The following CEP112 variants were observed in gnomAD, a reference collection of about 807,000 sequenced individuals.
CEP112 encodes centrosomal protein of 112 kDa.
A neutral mutation model predicts 153.0 loss-of-function variants in CEP112; 127 were observed. The ratio of observed to expected loss-of-function variants is 0.83; its 90% confidence interval spans 0.72 to 0.96. The LOEUF is 0.96. Ranked by LOEUF, CEP112 falls within the 40% of genes least tolerant of loss-of-function variation. The pLI is 0.00. For synonymous variants in CEP112, 358 were observed against 374.4 expected, an observed-to-expected ratio of 0.96 and a Z score of 0.51; for missense variants, 1,089 against 1,101.2, an observed-to-expected ratio of 0.99 and a Z score of 0.16.
At chr17:66,040,526 G>A in intron 12 of CEP112, among the ~76,000 whole-genome samples, 1 of 124,644 alleles carries the variant, frequency 8.0e-6, no homozygotes. Flanking sequence ...GAGTCTTGCT[G>A]TGCTCTGTTG....
chr17:65,645,734 T>C (rs1370956081), intron 24 of CEP112, among the ~76,000 whole-genome samples: 1 of 152,204 alleles, frequency 6.6e-6, no homozygotes, highest in Non-Finnish European at 1.5e-5. Context: ...CTCCTGTAAT[T>C]TTCCATTTGA....
intron 18 of CEP112, among the ~76,000 whole-genome samples, chr17:65,943,063 T>C (rs112801214): frequency 0.014 from 2,193 of 152,256 alleles, 19 homozygotes; most frequent in Non-Finnish European, 0.021. Flanking sequence ...TAAGAAATAA[T>C]CCTTCAAATA....
At chr17:66,153,042 T>G (rs1242349841) in intron 4 of CEP112, among the ~76,000 whole-genome samples, 1 of 152,078 alleles carries the variant, frequency 6.6e-6, no homozygotes, top group African/African-American at 2.4e-5. Flanking sequence ...CAAGAGTTGA[T>G]GAGGACGTGA....
chr17:65,800,344 A>G (rs1169797963), intron 21 of CEP112, among the ~76,000 whole-genome samples: 1 of 152,198 alleles, frequency 6.6e-6, no homozygotes, highest in Non-Finnish European at 1.5e-5. Context: ...CATTTCATAT[A>G]AATGTAATAA....
At chr17:65,654,039 C>T (rs987659681) in intron 24 of CEP112, among the ~76,000 whole-genome samples, 1 of 109,092 alleles carries the variant, frequency 9.2e-6, no homozygotes, top group East Asian at 2.2e-4. Context: ...AGCCTGGCAA[C>T]CAGAGCAAGA....
At chr17:65,911,445 A>C (rs1215557330) in intron 19 of CEP112, among the ~76,000 whole-genome samples, 2 of 152,242 alleles carry the variant, frequency 1.3e-5, no homozygotes, top group African/African-American at 4.8e-5. Context: ...AAATTTAAAA[A>C]TTACTCTAAC....
chr17:65,884,232 G>C (rs1186687905), intron 20 of CEP112, among the ~76,000 whole-genome samples: 1 of 152,218 alleles, frequency 6.6e-6, no homozygotes, highest in Non-Finnish European at 1.5e-5. Flanking sequence ...AACTAACGTG[G>C]AGAAGTAGAA....
rs142621734 is a variant in CEP112 at position 66,022,391 on chromosome 17, T to A, written c.1656+5110A>T. Among the ~76,000 whole-genome samples the A allele has an allele frequency of 9.9e-5, 15 of 152,224 alleles. No homozygotes were observed. In the East Asian group the frequency reaches 2.9e-3, roughly 29 times the overall value. On this transcript the variant is annotated intron_variant, in intron 16 of 26. Transcript: ENST00000535342. The stretch of plus-strand genomic sequence containing the variant: ...AACACAGTAATTTTCTAGCAATGGA[T>A]CTTACCAAAATAAAATTTTTGAAAT...
chr17:65,877,456 T>C (rs2058875246), intron 20 of CEP112, among the ~76,000 whole-genome samples: 1 of 152,204 alleles, frequency 6.6e-6, no homozygotes, highest in Admixed American at 6.5e-5. Context: ...TCTCCCTTAC[T>C]CTTAAAGTAG....
At chr17:65,916,288 T>G (rs1249776878) in intron 19 of CEP112, among the ~76,000 whole-genome samples, 1 of 92,240 alleles carries the variant, frequency 1.1e-5, no homozygotes, top group African/African-American at 4.5e-5. Context: ...TGTGTGTGTG[T>G]GTGTATGTGT....
chr17:65,792,584 T>TAAA (rs11409296), intron 21 of CEP112, among the ~76,000 whole-genome samples: 2 of 149,462 alleles, frequency 1.3e-5, no homozygotes, highest in African/African-American at 4.9e-5. Context: ...AAAAACTCTT[T>TAAA]AAAAAAAAAA....
chr17:65,772,843 C>A (rs1388223833), intron 21 of CEP112, among the ~76,000 whole-genome samples: 1 of 151,888 alleles, frequency 6.6e-6, no homozygotes, highest in East Asian at 1.9e-4. Flanking sequence ...ATATGAGATA[C>A]CCTACATGAG....
intron 20 of CEP112, among the ~76,000 whole-genome samples, chr17:65,884,242 A>C (rs2059190861): frequency 2.0e-5 from 3 of 152,244 alleles, no homozygotes; most frequent in Non-Finnish European, 4.4e-5. Flanking sequence ...GAGAAGTAGA[A>C]GTGGAAGAAG....
At chr17:65,975,636 C>T (rs1555742883) in intron 17 of CEP112, among the ~76,000 whole-genome samples, 2 of 152,056 alleles carry the variant, frequency 1.3e-5, no homozygotes, top group Non-Finnish European at 2.9e-5. Context: ...AACTGAACCA[C>T]AAAAAATACA....
intron 21 of CEP112, among the ~76,000 whole-genome samples, chr17:65,834,770 T>C (rs1374694449): frequency 1.3e-5 from 2 of 152,164 alleles, no homozygotes; most frequent in African/African-American, 4.8e-5. Context: ...AGTTCAACCA[T>C]TGTGGAAGGC....
chr17:65,856,960 G>A (rs1379538275), intron 20 of CEP112, among the ~76,000 whole-genome samples: 1 of 152,180 alleles, frequency 6.6e-6, no homozygotes, highest in Non-Finnish European at 1.5e-5. Context: ...GCATATCACA[G>A]AGATATTGTG....
chr17:65,970,464 A>T (rs1426199706), intron 17 of CEP112, among the ~76,000 whole-genome samples: 1 of 13,844 alleles, frequency 7.2e-5, no homozygotes, highest in African/African-American at 2.5e-4. Context: ...ATGCATGCAC[A>T]CATGCATGTA....
At chr17:66,083,403 C>T (rs2067798821) in intron 8 of CEP112, among the ~76,000 whole-genome samples, 1 of 152,124 alleles carries the variant, frequency 6.6e-6, no homozygotes, top group African/African-American at 2.4e-5. Flanking sequence ...TTGGGTATGT[C>T]TTTATTAGCA....
intron 19 of CEP112, among the ~76,000 whole-genome samples, chr17:65,922,740 T>G (rs1293619129): frequency 6.6e-6 from 1 of 152,224 alleles, no homozygotes; most frequent in Admixed American, 6.5e-5. Flanking sequence ...TCAGTTTACT[T>G]AGAGGAACTG....
Sources: allele counts gnomAD v4.1 joint callset (sites outside exome capture counted in the v4.1 genomes callset), GRCh38; gene constraint gnomAD v4.1.1; transcripts MANE v1.5; gene names NCBI Gene and HGNC (gene_info 2026-07-23, HGNC 2026-07-21).